ALK: variants seen among roughly 807,000 people sequenced by gnomAD.
The protein encoded by ALK is ALK tyrosine kinase receptor.
ALK carries 74 observed loss-of-function variants against 163.1 expected under a neutral mutation model. That is an observed-to-expected ratio of 0.45 (90% CI 0.38 to 0.55). The LOEUF (loss-of-function observed/expected upper bound fraction) is 0.55, where lower values mean the gene tolerates loss of function less well. Among genes scored for constraint, ALK ranks in the 20% least tolerant of loss-of-function variants. The probability of loss-of-function intolerance (pLI) is 0.00; values close to 1 mark genes in which losing one functional copy is unlikely to be tolerated. For synonymous variants in ALK, 960 were observed against 843.2 expected (o/e 1.14, Z -2.40); for missense variants, 2,063 against 2,105.3 (o/e 0.98, Z 0.39).
chr2:29,526,019 T>C (rs777327783), intron 4 of ALK, among the ~76,000 whole-genome samples: 2 of 152,164 alleles, frequency 1.3e-5, no homozygotes, highest in Non-Finnish European at 2.9e-5. Context: ...CTTTGGGATC[T>C]ATCTTGGAGA....
chr2:29,835,085 A>G (rs998438805), intron 1 of ALK, among the ~76,000 whole-genome samples: 1 of 152,236 alleles, frequency 6.6e-6, no homozygotes, highest in Non-Finnish European at 1.5e-5. Flanking sequence ...TGACAAAGAA[A>G]CAAGCAATTT....
At chr2:29,507,040 G>C (rs1672346274) in intron 4 of ALK, among the ~76,000 whole-genome samples, 1 of 152,266 alleles carries the variant, frequency 6.6e-6, no homozygotes, top group East Asian at 1.9e-4. Flanking sequence ...TCCAAGAAAA[G>C]GGAAAGCAGG....
chr2:29,816,657 G>C (rs1664906000), intron 1 of ALK, among the ~76,000 whole-genome samples: 1 of 152,192 alleles, frequency 6.6e-6, no homozygotes, highest in East Asian at 1.9e-4. Context: ...GAAAGTCTGG[G>C]CCACAAGGTC....
At chr2:29,339,833 G>C (rs1296708270) in intron 5 of ALK, among the ~76,000 whole-genome samples, 1 of 152,130 alleles carries the variant, frequency 6.6e-6, no homozygotes, top group African/African-American at 2.4e-5. Context: ...GCCTATGAGG[G>C]CTGGTTTCCA....
intron 1 of ALK, among the ~76,000 whole-genome samples, chr2:29,777,945 C>T (rs1391200116): frequency 6.6e-6 from 1 of 152,220 alleles, no homozygotes; most frequent in Non-Finnish European, 1.5e-5. Context: ...CATCCCAATA[C>T]ACCAGTCCAG....
chr2:29,676,859 A>T (rs1191149400), intron 3 of ALK, among the ~76,000 whole-genome samples: 2 of 151,548 alleles, frequency 1.3e-5, no homozygotes, highest in South Asian at 2.1e-4. Flanking sequence ...GTTTTGTTAA[A>T]TTTTTTTCTA....
At chr2:29,234,992 C>T (rs1429565245) in intron 13 of ALK, among the ~76,000 whole-genome samples, 4 of 152,226 alleles carry the variant, frequency 2.6e-5, no homozygotes, top group African/African-American at 4.8e-5. Flanking sequence ...GGATTACAGG[C>T]GTGAGCCACC....
At chr2:29,262,580 A>G (rs1252363425) in intron 11 of ALK, among the ~76,000 whole-genome samples, 1 of 152,204 alleles carries the variant, frequency 6.6e-6, no homozygotes, top group Non-Finnish European at 1.5e-5. Flanking sequence ...TTACTGTTAC[A>G]CTGTTGTTTC....
intron 3 of ALK, among the ~76,000 whole-genome samples, chr2:29,656,152 G>T (rs564749827): frequency 6.6e-6 from 1 of 152,124 alleles, no homozygotes; most frequent in South Asian, 2.1e-4. Context: ...ACTACAAAGG[G>T]TGAATTTTAA....
intron 24 of ALK, 115 bp from the exon 25 acceptor site, chr2:29,209,993 A>ATATT (rs1669421229): frequency 1.2e-5 from 10 of 823,836 alleles, no homozygotes; most frequent in Non-Finnish European, 2.0e-5. Flanking sequence ...TCCCTTCCCT[A>ATATT]TATTTCCTTT....
intron 5 of ALK, among the ~76,000 whole-genome samples, chr2:29,337,777 C>T (rs954038658): frequency 3.9e-5 from 6 of 152,172 alleles, no homozygotes; most frequent in African/African-American, 4.8e-5. Flanking sequence ...TTCTCAAGAG[C>T]GCCTTTCGCC....
intron 3 of ALK, among the ~76,000 whole-genome samples, chr2:29,632,141 C>T (rs1425303012): frequency 1.3e-5 from 2 of 152,166 alleles, no homozygotes; most frequent in Non-Finnish European, 2.9e-5. Flanking sequence ...GGTGGTAACT[C>T]CCAGAGGGCA....
chr2:29,790,672 C>T (rs1399369403), intron 1 of ALK, among the ~76,000 whole-genome samples: 2 of 152,144 alleles, frequency 1.3e-5, no homozygotes, highest in Non-Finnish European at 2.9e-5. Context: ...CAACCTCTGC[C>T]TCCCAGGTTC....
At chr2:29,247,375 G>A (rs1409651817) in intron 12 of ALK, among the ~76,000 whole-genome samples, 3 of 152,246 alleles carry the variant, frequency 2.0e-5, no homozygotes, top group African/African-American at 7.2e-5. Context: ...TGCAGAGCAG[G>A]GGGAGAATGA....
chr2:29,481,905 G>A (rs993695901), intron 4 of ALK, among the ~76,000 whole-genome samples: 1 of 152,282 alleles, frequency 6.6e-6, no homozygotes, highest in Admixed American at 6.5e-5. Context: ...AGGCTCTTAA[G>A]CCTCAATTCT....
chr2:29,743,301 G>A lies in ALK; in HGVS notation c.668-25604C>T, dbSNP rs141806274. Among the ~76,000 whole-genome samples, 225 of 152,332 alleles carry A rather than the reference G, an allele frequency of 1.5e-3. 1 individual carries two copies. Among genetic ancestry groups the A allele is most frequent in the African/African-American group, 5.1e-3 (214 of 41,582 alleles). ...GAGAATTTCCTCTGTTTCATTTAGA[G>A]TATGATGTTCGACTTGGAAACCTGG... On this transcript the variant is annotated intron_variant, in intron 1 of 28. Coordinates refer to ENST00000389048, the MANE Select transcript of ALK (RefSeq NM_004304.5).
intron 4 of ALK, among the ~76,000 whole-genome samples, chr2:29,472,408 G>T (rs1377649592): frequency 2.0e-5 from 3 of 152,190 alleles, no homozygotes; most frequent in African/African-American, 7.2e-5. Context: ...TTATGCCATT[G>T]TAGGAACTGG....
rs2148138058 is a variant in ALK at position 29,193,574 on chromosome 2, G to C, written c.4513C>G (p.Pro1505Ala). 2 of 1,614,234 alleles carry C rather than the reference G, an allele frequency of 1.2e-6. No individual in the cohort carries two copies. The highest frequency in any genetic ancestry group is 2.2e-5 in the South Asian group (2 of 91,080). ...TCTGTAAACCAGGAGCCGTACGTTG[G>C]GTTCCACAAGCTGGTGGGCTTGTTT... ...SRNKPTSLWN[P>A]TYGSWFTEKP... Residue 1505 changes from proline (P) to alanine (A), a missense_variant, in exon 29 of 29, where the codon CCA becomes GCA. This residue lies in a region of ALK where 403 missense variants were observed against 366.2 expected (regional missense o/e 1.10). Coordinates refer to ENST00000389048, the MANE Select transcript of ALK (RefSeq NM_004304.5).
In ALK at chr2:29,227,731, A is replaced by G; in HGVS notation, c.2816-59T>C. Reference sequence around the variant, plus strand: ...GGGGTGGGTGCCAAAATCTTAACACACACACACGTCAGTGGGGCATGCAGC... The same window carrying G: ...GGGGTGGGTGCCAAAATCTTAACACGCACACACGTCAGTGGGGCATGCAGC... On this transcript the variant is annotated intron_variant, in intron 16 of 28. Transcript: ENST00000389048. The surrounding 1 kb of genome is among the most constrained non-coding windows in gnomAD (Gnocchi z 4.4). The G allele has an allele frequency of 1.5e-6, 2 of 1,361,136 alleles. No homozygotes were observed. Among genetic ancestry groups the G allele is most frequent in the Non-Finnish European group, 2.1e-6 (2 of 951,218 alleles). The allele number at this position is 1,361,136 out of a possible 1,614,324, so 84.3% of individuals were successfully genotyped here. A position where few individuals can be genotyped will look rare whatever the true frequency, so the allele number is the denominator to read the frequency against.
Sources: gnomAD v4.1 joint callset for allele counts (sites outside exome capture counted in the v4.1 genomes callset) on GRCh38, gnomAD v4.1.1 for gene constraint, gnomAD v4.1.1 regional missense constraint, Gnocchi (gnomAD v3.1) non-coding constraint, MANE v1.5 for transcripts, NCBI Gene and HGNC (gene_info 2026-07-23, HGNC 2026-07-21) for gene names.